Variants in DCAF8L2 observed in about 807,000 individuals in gnomAD.
The protein encoded by DCAF8L2 is DDB1- and CUL4-associated factor 8-like protein 2.
For missense variants in DCAF8L2, 430 were observed against 490.7 expected, an observed-to-expected ratio of 0.88 and a Z score of 1.17; for synonymous variants, 200 against 190.9, an observed-to-expected ratio of 1.05 and a Z score of -0.39.
the DCAF8L2 span, among the ~76,000 whole-genome samples, chrX:27,554,391 T>C: frequency 8.9e-6 from 1 of 111,996 alleles, no homozygotes; most frequent in East Asian, 2.8e-4. Flanking sequence ...CCCTGGCACA[T>C]TTGCTACCCC....
intron 1 of DCAF8L2, among the ~76,000 whole-genome samples, chrX:27,629,495 T>G (rs1403028884): frequency 9.3e-6 from 1 of 107,964 alleles, no homozygotes; most frequent in Non-Finnish European, 1.9e-5. Context: ...TCCTTCCTTT[T>G]CTCTCTCTCT....
chrX:27,672,303 G>A, intron 2 of DCAF8L2, among the ~76,000 whole-genome samples: 1 of 111,558 alleles, frequency 9.0e-6, no homozygotes, highest in Admixed American at 9.6e-5. Flanking sequence ...GGGCCATTTG[G>A]GTAATCGTTT....
chrX:27,515,878 G>A, the DCAF8L2 span, among the ~76,000 whole-genome samples: 1 of 112,028 alleles, frequency 8.9e-6, no homozygotes, highest in African/African-American at 3.2e-5. Flanking sequence ...TCTGAAGCAT[G>A]TGCACAACTA....
At chrX:27,653,758 AC>A (rs1386106689) in intron 2 of DCAF8L2, among the ~76,000 whole-genome samples, 6 of 107,882 alleles carry the variant, frequency 5.6e-5, no homozygotes, top group Middle Eastern at 4.7e-3. Context: ...ACACACACAC[AC>A]ACAACATATA....
At chrX:27,536,424 A>G in the DCAF8L2 span, among the ~76,000 whole-genome samples, 2 of 112,368 alleles carry the variant, frequency 1.8e-5, no homozygotes, top group Non-Finnish European at 3.8e-5. Flanking sequence ...AACAGAATAT[A>G]AAAAAATCCA....
chrX:27,659,723 A>AT (rs780791272), intron 2 of DCAF8L2, among the ~76,000 whole-genome samples: 87 of 108,521 alleles, frequency 8.0e-4, no homozygotes, highest in Non-Finnish European at 1.4e-3. Flanking sequence ...AAAATTCTCC[A>AT]TTTTTTTTTA....
the DCAF8L2 span, among the ~76,000 whole-genome samples, chrX:27,470,581 CAT>C: frequency 8.9e-6 from 1 of 111,811 alleles, no homozygotes; most frequent in Non-Finnish European, 1.9e-5. Context: ...GTTAAACAGA[CAT>C]GTGGGTTTTC....
chrX:27,520,076 C>G, the DCAF8L2 span, among the ~76,000 whole-genome samples: 3 of 111,624 alleles, frequency 2.7e-5, no homozygotes, highest in Non-Finnish European at 3.8e-5. Flanking sequence ...TTGGAAAATT[C>G]TATCAATACA....
the DCAF8L2 span, among the ~76,000 whole-genome samples, chrX:27,565,058 A>G: frequency 9.2e-6 from 1 of 109,225 alleles, no homozygotes; most frequent in African/African-American, 3.3e-5. Context: ...ACAATACATT[A>G]TATATTATAT....
chrX:27,592,111 G>A (rs1334177630), intron 1 of DCAF8L2, among the ~76,000 whole-genome samples: 2 of 112,569 alleles, frequency 1.8e-5, no homozygotes, highest in Admixed American at 9.3e-5. Flanking sequence ...AGGCGAGGGC[G>A]ATGCAGATGG....
intron 2 of DCAF8L2, among the ~76,000 whole-genome samples, chrX:27,669,786 C>T (rs1036901161): frequency 1.5e-4 from 17 of 111,015 alleles, no homozygotes; most frequent in African/African-American, 4.3e-4. Context: ...ATCCATGTCC[C>T]TACAAAGGAC....
At chrX:27,561,793 C>T in the DCAF8L2 span, among the ~76,000 whole-genome samples, 7 of 111,464 alleles carry the variant, frequency 6.3e-5, no homozygotes, top group Non-Finnish European at 1.3e-4. Context: ...TATATTGATA[C>T]AGCACATTTT....
chrX:27,510,643 A>G, the DCAF8L2 span, among the ~76,000 whole-genome samples: 1 of 109,387 alleles, frequency 9.1e-6, no homozygotes, highest in Non-Finnish European at 1.9e-5. Flanking sequence ...TTTGGTTTCT[A>G]TGTAAGCTAT....
the DCAF8L2 span, among the ~76,000 whole-genome samples, chrX:27,545,226 C>G: frequency 0.096 from 10,654 of 111,031 alleles, 402 homozygotes; most frequent in Non-Finnish European, 0.12. Flanking sequence ...CCTGCATCAA[C>G]AAGTCATTGG....
At chrX:27,521,785 C>T in the DCAF8L2 span, among the ~76,000 whole-genome samples, 2 of 111,243 alleles carry the variant, frequency 1.8e-5, no homozygotes, top group East Asian at 2.8e-4. Context: ...TTAGAAAATG[C>T]GTCTATATTT....
rs1930828877 is a variant in DCAF8L2, at chrX:27,694,579, CAT to C, written c.-143+16670_-143+16671del. Among the ~76,000 whole-genome samples the C allele has an allele frequency of 2.7e-5, 3 of 110,804 alleles. No individual in the cohort carries two copies. The South Asian group carries it at 1.1e-3, about 42-fold the overall frequency. ...TGATGTTACTGTTGCTTCTTTAAAA[CAT>C]ATCAAGTAATAACTACTGCCAAGTT... On this transcript the variant is annotated intron_variant, in intron 3 of 4. Coordinates refer to ENST00000451261, the MANE Select transcript of DCAF8L2 (RefSeq NM_001353450.2).
At chrX:27,512,439 T>A in the DCAF8L2 span, among the ~76,000 whole-genome samples, 1 of 110,051 alleles carries the variant, frequency 9.1e-6, no homozygotes, top group Non-Finnish European at 1.9e-5. Flanking sequence ...ATCCCAGCAC[T>A]TTGGGGGGCC....
the DCAF8L2 span, chrX:27,518,181 T>C: frequency 1.2e-4 from 105 of 907,925 alleles, no homozygotes; most frequent in Non-Finnish European, 1.6e-4. Context: ...CGCCAGAAAC[T>C]GCAGTTCTTT....
chrX:27,684,602 A>G (rs1452749602), intron 3 of DCAF8L2, among the ~76,000 whole-genome samples: 2 of 111,759 alleles, frequency 1.8e-5, no homozygotes, highest in Non-Finnish European at 3.8e-5. Flanking sequence ...TAGGGCATTC[A>G]GAATGTGTGG....
Sources: allele counts gnomAD v4.1 joint callset (sites outside exome capture counted in the v4.1 genomes callset), GRCh38; gene constraint gnomAD v4.1.1; transcripts MANE v1.5; gene names NCBI Gene and HGNC (gene_info 2026-07-23, HGNC 2026-07-21).